ADAMTSL1: variants seen among roughly 807,000 people sequenced by gnomAD.
ADAMTSL1 encodes the protein ADAMTS like 1, also known as ADAMTS-like protein 1.
A neutral mutation model predicts 201.8 loss-of-function variants in ADAMTSL1; 126 were observed. The ratio of observed to expected loss-of-function variants is 0.62; its 90% confidence interval spans 0.54 to 0.72. The LOEUF is 0.72. ADAMTSL1 is among the 30% of genes least tolerant of loss of function. ADAMTSL1 has a pLI of 0.00. For synonymous variants in ADAMTSL1, 1,121 were observed against 903.4 expected (o/e 1.24, Z -4.32); for missense variants, 2,679 against 2,277.8 (o/e 1.18, Z -3.59).
At chr9:18,395,045 GT>G (rs1187536827) in intron 2 of ADAMTSL1, among the ~76,000 whole-genome samples, 2 of 152,184 alleles carry the variant, frequency 1.3e-5, no homozygotes, top group Non-Finnish European at 2.9e-5. Context: ...GAGATTTGAT[GT>G]CCCAACTTGG....
chr9:18,742,554 T>C (rs1818897170), intron 15 of ADAMTSL1, among the ~76,000 whole-genome samples: 1 of 152,176 alleles, frequency 6.6e-6, no homozygotes, highest in South Asian at 2.1e-4. Flanking sequence ...GTACAGTTGA[T>C]GTGAGCTGGG....
chr9:17,959,579 C>T (rs1817650658), intron 1 of ADAMTSL1, among the ~76,000 whole-genome samples: 1 of 152,110 alleles, frequency 6.6e-6, no homozygotes, highest in Non-Finnish European at 1.5e-5. Flanking sequence ...CTGCCTCAGC[C>T]TCCCAAGTAG....
intron 23 of ADAMTSL1, among the ~76,000 whole-genome samples, chr9:18,879,536 G>C (rs1337188380): frequency 1.3e-5 from 2 of 152,106 alleles, no homozygotes; most frequent in Admixed American, 6.5e-5. Context: ...AATATTTTTT[G>C]TTTCCCAATA....
At chr9:18,068,702 A>T (rs1822821353) in intron 1 of ADAMTSL1, among the ~76,000 whole-genome samples, 1 of 152,200 alleles carries the variant, frequency 6.6e-6, no homozygotes, top group Non-Finnish European at 1.5e-5. Flanking sequence ...TGAATCTAGA[A>T]ATTTTAATAT....
intron 2 of ADAMTSL1, among the ~76,000 whole-genome samples, chr9:18,311,590 G>C (rs1427602367): frequency 6.6e-6 from 1 of 152,096 alleles, no homozygotes; most frequent in African/African-American, 2.4e-5. Context: ...ATCATGAACA[G>C]ATAGAATTGG....
At chr9:18,294,599 C>A (rs1295773133) in intron 2 of ADAMTSL1, among the ~76,000 whole-genome samples, 1 of 152,164 alleles carries the variant, frequency 6.6e-6, no homozygotes, top group Non-Finnish European at 1.5e-5. Context: ...AAGACTGGGC[C>A]TGTCTTGAAC....
chr9:18,751,735 A>T (rs1445725636), intron 15 of ADAMTSL1, among the ~76,000 whole-genome samples: 1 of 152,222 alleles, frequency 6.6e-6, no homozygotes, highest in Non-Finnish European at 1.5e-5. Flanking sequence ...TGGAGCAAGT[A>T]TGGATACAGT....
At chr9:18,272,042 A>C (rs1457171409) in intron 2 of ADAMTSL1, among the ~76,000 whole-genome samples, 2 of 151,200 alleles carry the variant, frequency 1.3e-5, no homozygotes, top group Non-Finnish European at 3.0e-5. Context: ...TTTCTTGTAA[A>C]TTTGTTTGAG....
At chr9:18,125,794 C>T (rs1342945929) in intron 1 of ADAMTSL1, among the ~76,000 whole-genome samples, 3 of 152,140 alleles carry the variant, frequency 2.0e-5, no homozygotes, top group Non-Finnish European at 4.4e-5. Flanking sequence ...GTAATTATTC[C>T]AAACTGTAGA....
intron 20 of ADAMTSL1, among the ~76,000 whole-genome samples, chr9:18,804,430 A>T (rs1822981400): frequency 6.6e-6 from 1 of 152,204 alleles, no homozygotes; most frequent in Non-Finnish European, 1.5e-5. Flanking sequence ...GTCAGCAGGG[A>T]GTTAAAAACT....
At chr9:18,530,907 T>G (rs1278901641) in intron 2 of ADAMTSL1, among the ~76,000 whole-genome samples, 1 of 152,138 alleles carries the variant, frequency 6.6e-6, no homozygotes, top group African/African-American at 2.4e-5. Context: ...CAGCAGGAAC[T>G]TCAAAATTGA....
Position 18,821,780 on chromosome 9 carries a change from G to A in ADAMTSL1, c.3935-4504G>A, listed in dbSNP as rs556870109. 3.6e-4 allele frequency among the ~76,000 whole-genome samples: 55 copies of A among 152,224 alleles called. 1 individual carries two copies. In the East Asian group the frequency reaches 7.7e-3, roughly 21 times the overall value. On this transcript the variant is annotated intron_variant, in intron 21 of 28. Transcript: ENST00000380548. ...AAGCTTCTAGAATTTCCCATGTAAAGGTGCACCTTTGAGTGGAAACCCCAC... is the reference window on the plus strand; with the variant it reads ...AAGCTTCTAGAATTTCCCATGTAAAAGTGCACCTTTGAGTGGAAACCCCAC...
At chr9:17,942,535 A>T (rs1273726170) in intron 1 of ADAMTSL1, among the ~76,000 whole-genome samples, 1 of 152,196 alleles carries the variant, frequency 6.6e-6, no homozygotes, top group Non-Finnish European at 1.5e-5. Flanking sequence ...GTTATAGCTG[A>T]AAAATGATTG....
chr9:18,718,096 T>A, intron 14 of ADAMTSL1: 2 of 1,323,748 alleles, frequency 1.5e-6, no homozygotes, highest in Non-Finnish European at 2.2e-6. Flanking sequence ...TAGAAGAATC[T>A]AAGAATGCAC....
chr9:18,078,821 T>C lies in ADAMTSL1; in HGVS notation c.88-85041T>C, dbSNP rs116235094. Among the ~76,000 whole-genome samples the C allele has an allele frequency of 9.8e-3, 1,493 of 152,258 alleles. 20 individuals are homozygous for C. The highest frequency in any genetic ancestry group is 0.034 in the African/African-American group (1,426 of 41,538). ...GTTGGTTTGTACAACTACAAGCCCC[T>C]GGACCCTCAAAAAAAGGCAATGGAG... On this transcript the variant is annotated intron_variant, in intron 1 of 29. Transcript: ENST00000680146.
intron 13 of ADAMTSL1, among the ~76,000 whole-genome samples, chr9:18,693,103 T>G (rs1831332109): frequency 6.6e-6 from 1 of 152,214 alleles, no homozygotes; most frequent in South Asian, 2.1e-4. Context: ...AAAGCTCTCC[T>G]TTGGGTTTCT....
intron 4 of ADAMTSL1, among the ~76,000 whole-genome samples, chr9:18,620,349 A>G (rs1179121694): frequency 6.6e-6 from 1 of 152,176 alleles, no homozygotes; most frequent in African/African-American, 2.4e-5. Context: ...GTAAAGTCTC[A>G]TGAGAGTGGA....
At chr9:18,494,084 T>C (rs774177603) in intron 1 of ADAMTSL1, among the ~76,000 whole-genome samples, 4 of 152,052 alleles carry the variant, frequency 2.6e-5, no homozygotes, top group Non-Finnish European at 5.9e-5. Context: ...GATGGCTGGG[T>C]GGTGGCTCAC....
intron 1 of ADAMTSL1, among the ~76,000 whole-genome samples, chr9:17,940,909 T>A (rs1223644639): frequency 6.8e-6 from 1 of 146,656 alleles, no homozygotes. Context: ...TCTTAAGGAC[T>A]GTATTGTTTA....
Sources: allele counts gnomAD v4.1 joint callset (sites outside exome capture counted in the v4.1 genomes callset), GRCh38; gene constraint gnomAD v4.1.1; transcripts MANE v1.5; gene names NCBI Gene and HGNC (gene_info 2026-07-23, HGNC 2026-07-21).